Variants in WBP1L observed in about 807,000 individuals in gnomAD.
WBP1L encodes the protein WW domain binding protein 1-like.
A neutral mutation model predicts 33.7 loss-of-function variants in WBP1L; 17 were observed. That is an observed-to-expected ratio of 0.50 (90% CI 0.34 to 0.76). The LOEUF (loss-of-function observed/expected upper bound fraction) is 0.76. WBP1L is among the 30% of genes least tolerant of loss of function. The pLI is 0.01. For missense variants in WBP1L, 389 were observed against 469.4 expected, an observed-to-expected ratio of 0.83 and a Z score of 1.58; for synonymous variants, 173 against 190.8, an observed-to-expected ratio of 0.91 and a Z score of 0.77.
At chr10:102,752,243 G>A (rs375012380) in intron 1 of WBP1L, among the ~76,000 whole-genome samples, 3 of 152,168 alleles carry the variant, frequency 2.0e-5, no homozygotes, top group Middle Eastern at 3.2e-3. Context: ...GTCCCGAGGT[G>A]GAGAAATCCT....
At chr10:102,782,060 G>T (rs190220016) in intron 1 of WBP1L, among the ~76,000 whole-genome samples, 351 of 152,130 alleles carry the variant, frequency 2.3e-3, no homozygotes, top group African/African-American at 8.3e-3. Context: ...GAAAGATGGA[G>T]TTTCACCATG....
At chr10:102,744,191 G>A in intron 1 of WBP1L, 48 bp downstream of exon 1, 1 of 1,514,356 alleles carries the variant, frequency 6.6e-7, no homozygotes, top group Non-Finnish European at 8.9e-7. Context: ...GGGGGTCGTC[G>A]AGGCCTGGCT....
intron 1 of WBP1L, among the ~76,000 whole-genome samples, chr10:102,757,002 C>G (rs1378982093): frequency 6.6e-6 from 1 of 152,054 alleles, no homozygotes; most frequent in Admixed American, 6.5e-5. Flanking sequence ...ATTCTCGGGC[C>G]TCAGCCCCAT....
intron 1 of WBP1L, chr10:102,746,053 T>G: frequency 1.4e-6 from 1 of 723,820 alleles, no homozygotes; most frequent in Non-Finnish European, 1.7e-6. Context: ...CGGTAGAGGT[T>G]TGGTTTAGGA....
At chr10:102,750,982 T>C (rs1227510389) in intron 1 of WBP1L, among the ~76,000 whole-genome samples, 2 of 152,152 alleles carry the variant, frequency 1.3e-5, no homozygotes, top group East Asian at 1.9e-4. Flanking sequence ...CTTTTGTGGC[T>C]TATTTCACTT....
At chr10:102,782,155 A>G (rs1317328017) in intron 1 of WBP1L, among the ~76,000 whole-genome samples, 3 of 149,666 alleles carry the variant, frequency 2.0e-5, no homozygotes, top group South Asian at 2.1e-4. Context: ...GGTGTGAGCA[A>G]CTGTGCCTGG....
At chr10:102,762,793 G>A (rs985054460) in intron 1 of WBP1L, among the ~76,000 whole-genome samples, 1 of 152,160 alleles carries the variant, frequency 6.6e-6, no homozygotes, top group Non-Finnish European at 1.5e-5. Context: ...AGCTCTTCGG[G>A]GATGCAAGCT....
chr10:102,768,591 T>G (rs61256004), intron 1 of WBP1L, among the ~76,000 whole-genome samples: 7 of 50,246 alleles, frequency 1.4e-4, no homozygotes, highest in East Asian at 1.6e-3. Context: ...GGGTTTCACC[T>G]TGTTAGCCAG....
At chr10:102,766,901 T>TC (rs1327590179) in intron 1 of WBP1L, among the ~76,000 whole-genome samples, 1 of 151,328 alleles carries the variant, frequency 6.6e-6, no homozygotes, top group Non-Finnish European at 1.5e-5. Flanking sequence ...TCTACATCCC[T>TC]CCTTTTGTTC....
chr10:102,763,383 C>T (rs1843068312), intron 1 of WBP1L, among the ~76,000 whole-genome samples: 2 of 152,040 alleles, frequency 1.3e-5, no homozygotes, highest in Admixed American at 6.6e-5. Context: ...TACATTGTGA[C>T]TCCACAAACG....
chr10:102,777,714 G>A (rs542408966), intron 1 of WBP1L, among the ~76,000 whole-genome samples: 11 of 151,946 alleles, frequency 7.2e-5, no homozygotes, highest in Non-Finnish European at 1.2e-4. Context: ...ACAGGCATGT[G>A]CCACTATACC....
chr10:102,781,363 G>A (rs2253950), intron 1 of WBP1L, among the ~76,000 whole-genome samples: 40,303 of 151,968 alleles, frequency 0.27, 5,602 homozygotes, highest in Admixed American at 0.28. Flanking sequence ...TCACCACAGC[G>A]GCCACCCATG....
chr10:102,766,116 A>C (rs1394282774), intron 1 of WBP1L, among the ~76,000 whole-genome samples: 1 of 152,216 alleles, frequency 6.6e-6, no homozygotes, highest in South Asian at 2.1e-4. Context: ...CCTTGGCAAC[A>C]TAGGAAGACC....
chr10:102,770,166 A>C (rs182961843), intron 1 of WBP1L, among the ~76,000 whole-genome samples: 1 of 152,322 alleles, frequency 6.6e-6, no homozygotes, highest in African/African-American at 2.4e-5. Context: ...GCCTAGCCTC[A>C]CACCCATGAC....
At chr10:102,786,369 C>A (rs887438160) in intron 1 of WBP1L, among the ~76,000 whole-genome samples, 1 of 152,170 alleles carries the variant, frequency 6.6e-6, no homozygotes, top group Non-Finnish European at 1.5e-5. Flanking sequence ...AGAGCAGGAA[C>A]TGTTTATTGT....
At chr10:102,802,113 CTCCTTCCTTCCT>C (rs35674135) in intron 2 of WBP1L, among the ~76,000 whole-genome samples, 44 of 67,970 alleles carry the variant, frequency 6.5e-4, no homozygotes, top group Middle Eastern at 0.014. Flanking sequence ...CTTCCACCTT[CTCCTTCCTTCCT>C]TCCTTCCTTC....
At chr10:102,760,870 A>C (rs767266133) in intron 1 of WBP1L, among the ~76,000 whole-genome samples, 19 of 151,906 alleles carry the variant, frequency 1.3e-4, no homozygotes, top group Non-Finnish European at 7.4e-5. Context: ...ATAAATTGCA[A>C]ATGTTTTCTC....
chr10:102,777,121 T>C (rs1411216162), intron 1 of WBP1L, among the ~76,000 whole-genome samples: 2 of 152,180 alleles, frequency 1.3e-5, no homozygotes, highest in African/African-American at 4.8e-5. Flanking sequence ...CCAACTGCTG[T>C]CTGCTGAGAA....
chr10:102,800,635 G>A (rs1843643115), intron 2 of WBP1L, among the ~76,000 whole-genome samples: 2 of 152,206 alleles, frequency 1.3e-5, no homozygotes, highest in Admixed American at 6.5e-5. Flanking sequence ...CTGGAGGCAT[G>A]GGAGACATAA....
Sources: allele counts gnomAD v4.1 joint callset (sites outside exome capture counted in the v4.1 genomes callset), GRCh38; gene constraint gnomAD v4.1.1; transcripts MANE v1.5; gene names NCBI Gene and HGNC (gene_info 2026-07-23, HGNC 2026-07-21).